Variants in MIA3 observed in about 807,000 individuals in gnomAD.
MIA3 encodes MIA SH3 domain ER export factor 3, also known as transport and Golgi organization protein 1 homolog.
In MIA3, 90 loss-of-function variants were observed where a neutral mutation model predicts 192.4. The observed-to-expected ratio is 0.47, with a 90% CI of 0.39 to 0.56. The LOEUF is 0.56. MIA3 is among the 20% of genes least tolerant of loss of function. MIA3 has a pLI of 0.00. For synonymous variants in MIA3, 740 were observed against 792.8 expected (o/e 0.93, Z 1.12); for missense variants, 2,123 against 2,269.4 (o/e 0.94, Z 1.31).
rs1662217047 is a variant in MIA3 at position 222,628,322 on chromosome 1, G to C, written c.1102G>C (p.Val368Leu). ...TGAAGAGGACAAGGTTCAGCTAACT[G>C]TGCCCCCTGGCATCAAAAATGATGA... ...SNEEDKVQLT[V>L]PPGIKNDDKN... The change falls in exon 4 of 28, where the codon GTG (valine) becomes CTG (leucine). Residue 368 changes from valine (V) to leucine (L), a missense_variant. Around this residue, in one of 3 missense-constraint regions of MIA3, gnomAD observed 1,357 missense variants for 1,396.1 expected, o/e 0.97. Transcript: ENST00000344922. The C allele has an allele frequency of 5.0e-6, 8 of 1,613,564 alleles. No individual in the cohort carries two copies. Among genetic ancestry groups the C allele is most frequent in the Non-Finnish European group, 6.8e-6 (8 of 1,179,922 alleles).
In MIA3 at chr1:222,630,083, A is replaced by G; in HGVS notation, c.2863A>G (p.Met955Val). The G allele has an allele frequency of 6.2e-7, 1 of 1,614,194 alleles. No homozygotes were observed. Among genetic ancestry groups the G allele is most frequent in the South Asian group, 1.1e-5 (1 of 91,086 alleles). The change falls in exon 4 of 28, where the codon ATG (methionine) becomes GTG (valine). Residue 955 changes from methionine (M) to valine (V), a missense_variant. Met to Val is a conservative substitution (Grantham distance 21). Around this residue, in one of 3 missense-constraint regions of MIA3, gnomAD observed 1,357 missense variants for 1,396.1 expected, o/e 0.97. Transcript: ENST00000344922. ...VHELEALLQE[M>V]SSKLKSAQQE... ...TGAGCTGGAAGCCTTGCTACAAGAA[A>G]TGTCATCAAAACTGAAGTCAGCGCA...
In MIA3 at chr1:222,644,259, C is replaced by G. The variant is rs1244960330; in HGVS notation, c.3478-1295C>G. 3.7e-6 allele frequency: 5 copies of G among 1,369,314 alleles called. No individual in the cohort carries two copies. The African/African-American group carries it at 4.4e-5, about 12-fold the overall frequency. 84.8% of individuals were successfully genotyped at this position (1,369,314 alleles called of 1,614,324 possible). On this transcript the variant is annotated intron_variant, in intron 6 of 27. Coordinates refer to ENST00000344922, the MANE Select transcript of MIA3 (RefSeq NM_198551.4). Reference sequence around the variant, plus strand: ...CCGCTCTGGCCCCGCCCTCGCCGGCCGGCTCCTTTGGTGCCTTGAGGTGCG... The same window carrying G: ...CCGCTCTGGCCCCGCCCTCGCCGGCGGGCTCCTTTGGTGCCTTGAGGTGCG...
At chr1:222,642,650 T>C (rs1662915636) in intron 6 of MIA3, among the ~76,000 whole-genome samples, 2 of 152,196 alleles carry the variant, frequency 1.3e-5, no homozygotes, top group South Asian at 4.1e-4. Context: ...AGGGGTTGTA[T>C]GATTTTATAT....
At chr1:222,657,590 C>T (rs1401386312) in intron 18 of MIA3, among the ~76,000 whole-genome samples, 1 of 152,208 alleles carries the variant, frequency 6.6e-6, no homozygotes, top group East Asian at 1.9e-4. Context: ...CAGACTAACT[C>T]ATCCATTATT....
intron 26 of MIA3, chr1:222,662,946 T>TA (rs1237677150): frequency 1.9e-5 from 3 of 155,014 alleles, no homozygotes; most frequent in Non-Finnish European, 4.3e-5. Flanking sequence ...AGTCTATAAT[T>TA]ACCCGTTGAG....
Position 222,650,400 on chromosome 1 carries a change from T to C in MIA3, c.3720+20T>C. ...CAGAAGGTATGATTATTCTTTGTTT[T>C]TTTTTTTTTTCATGGTCCCAGCTTG... On this transcript the variant is annotated intron_variant, in intron 9 of 27. Coordinates refer to ENST00000344922, the MANE Select transcript of MIA3 (RefSeq NM_198551.4). 2 of 1,314,610 alleles carry C rather than the reference T, an allele frequency of 1.5e-6. No homozygotes were observed. The highest frequency in any genetic ancestry group is 2.1e-5 in the Admixed American group (1 of 48,648). 81.4% of individuals were successfully genotyped at this position (1,314,610 alleles called of 1,614,324 possible). A position where few individuals can be genotyped will look rare whatever the true frequency, so the allele number is the denominator to read the frequency against.
At position 222,665,321 on chromosome 1, in the gene MIA3, G is replaced by C; in HGVS notation, c.5426G>C (p.Arg1809Pro). The change falls in exon 28 of 28, where the codon CGT (arginine) becomes CCT (proline). Residue 1809 changes from arginine (R) to proline (P), a missense_variant. Coordinates refer to ENST00000344922, the MANE Select transcript of MIA3 (RefSeq NM_198551.4). ...PLPPPFGPGM[R>P]PPLGLREFAP... ...TTTTGTTTTCCAGGCCCTGGTATGC[G>C]TCCACCACTAGGCTTAAGAGAATTT... 1 of 1,608,872 alleles carries C rather than the reference G, an allele frequency of 6.2e-7. No individual in the cohort carries two copies. Among genetic ancestry groups the C allele is most frequent in the Non-Finnish European group, 8.5e-7 (1 of 1,177,876 alleles).
At chr1:222,619,107 C>T (rs1426878298) in intron 1 of MIA3, among the ~76,000 whole-genome samples, 1 of 152,054 alleles carries the variant, frequency 6.6e-6, no homozygotes, top group Non-Finnish European at 1.5e-5. Context: ...TGGAGGTGGG[C>T]GGTGGAGAGG....
rs1250658617 is a variant in MIA3, at chr1:222,654,392, C to G, written c.4381C>G (p.Gln1461Glu). Residue 1461 changes from glutamine to glutamate, a missense_variant, in exon 17 of 28, where the codon CAG becomes GAG. Physicochemically the swap from Gln to Glu is conservative, Grantham distance 29. Transcript: ENST00000344922. ...IKQMMDVSRT[Q>E]TAISVVEEDL... is the part of the protein sequence containing the mutation. ...TTGTCTCTTCTGCAATTTTTAGACA[C>G]AGACTGCAATATCGGTAGTTGAAGA... The G allele has an allele frequency of 3.7e-6, 6 of 1,613,582 alleles. No homozygotes were observed. The South Asian group carries it at 6.6e-5, about 18-fold the overall frequency.
intron 22 of MIA3, 31 bp from the exon 23 acceptor site, chr1:222,659,875 C>G (rs771394806): frequency 2.5e-6 from 4 of 1,596,280 alleles, no homozygotes; most frequent in Non-Finnish European, 3.4e-6. Flanking sequence ...ATATTTAACT[C>G]TTTCTTAAAT....
chr1:222,621,467 A>G (rs1661855013), intron 2 of MIA3, among the ~76,000 whole-genome samples, 175 bp downstream of exon 2: 1 of 152,180 alleles, frequency 6.6e-6, no homozygotes, highest in Non-Finnish European at 1.5e-5. Context: ...TGCACAGAGT[A>G]GGGGCTCAGC....
intron 11 of MIA3, 149 bp from the exon 12 acceptor site, chr1:222,651,828 C>T (rs553168461): frequency 2.6e-5 from 17 of 645,858 alleles, no homozygotes; most frequent in Middle Eastern, 4.1e-4. Context: ...TGATTTTTCC[C>T]GAGGGCAAAA....
At chr1:222,634,076 A>T (rs1330960979) in intron 6 of MIA3, among the ~76,000 whole-genome samples, 2 of 152,162 alleles carry the variant, frequency 1.3e-5, no homozygotes, top group African/African-American at 4.8e-5. Flanking sequence ...TCCTGAGCCC[A>T]TGGGAGCTGC....
chr1:222,640,214 A>G (rs982363886), intron 6 of MIA3, among the ~76,000 whole-genome samples: 2 of 152,124 alleles, frequency 1.3e-5, no homozygotes, highest in East Asian at 3.9e-4. Flanking sequence ...GGAGAGATAG[A>G]CCTTGTTTAT....
At chr1:222,640,828 C>T (rs189570568) in intron 6 of MIA3, among the ~76,000 whole-genome samples, 1 of 152,264 alleles carries the variant, frequency 6.6e-6, no homozygotes, top group Admixed American at 6.5e-5. Context: ...GAAAGAGTCA[C>T]TGCAAAGCAT....
chr1:222,655,962 CCTTTTTTTTTTTTT>C (rs1280279490), intron 18 of MIA3, among the ~76,000 whole-genome samples: 2 of 71,278 alleles, frequency 2.8e-5, no homozygotes, highest in Admixed American at 2.4e-4. Flanking sequence ...ACTTTCTTTC[CCTTTTTTTTTTTTT>C]TTTTTTTTTT....
At position 222,659,624 on chromosome 1, in the gene MIA3, C is replaced by G. The variant is rs185099170; in HGVS notation, c.4773C>G (p.Ile1591Met). The G allele has an allele frequency of 6.2e-7, 1 of 1,613,722 alleles. No homozygotes were observed. The highest frequency in any genetic ancestry group is 2.2e-5 in the East Asian group (1 of 44,868). Residue 1591 changes from isoleucine (I) to methionine (M), a missense_variant and splice_region_variant, in exon 21 of 28, where the codon ATC (isoleucine) becomes ATG (methionine). Ile to Met is a conservative substitution (Grantham distance 10). This residue lies in a region of MIA3 where 762 missense variants were observed against 856.4 expected (regional missense o/e 0.89). Coordinates refer to ENST00000344922, the MANE Select transcript of MIA3 (RefSeq NM_198551.4). ...QKTERSFKNQ[I>M]ATHEKKAHEN... is the part of the protein sequence containing the mutation. ...TTGTGATGTATTATCTTTTTCAGAT[C>G]GCTACCCATGAGAAGAAAGCTCATG...
At position 222,662,086 on chromosome 1, in the gene MIA3, G is replaced by A. The variant is rs776966377; in HGVS notation, c.5144G>A (p.Arg1715Gln). 66 of 1,613,930 alleles carry A rather than the reference G, an allele frequency of 4.1e-5. No individual in the cohort carries two copies. Among genetic ancestry groups the A allele is most frequent in the Non-Finnish European group, 5.2e-5 (61 of 1,179,958 alleles). Residue 1715 changes from arginine (R) to glutamine (Q), a missense_variant, in exon 25 of 28, where the codon CGA (arginine) becomes CAA (glutamine). By Grantham distance (43) the Arg-to-Gln change is conservative. Coordinates refer to ENST00000344922, the MANE Select transcript of MIA3 (RefSeq NM_198551.4). ...GTGGACGGGCCTCTACCTCATCCTC[G>A]ATGGTCAGCTGAGGCATCTGGGAAA... ...GSVDGPLPHP[R>Q]WSAEASGKPS...
chr1:222,660,386 C>G, intron 24 of MIA3, 72 bp downstream of exon 24: 2 of 1,475,798 alleles, frequency 1.4e-6, no homozygotes, highest in Non-Finnish European at 1.8e-6. Flanking sequence ...AATTCTAATG[C>G]AAACACTTTA....
Sources: allele counts gnomAD v4.1 joint callset (sites outside exome capture counted in the v4.1 genomes callset), GRCh38; gene constraint gnomAD v4.1.1; regional missense constraint gnomAD v4.1.1; transcripts MANE v1.5; gene names NCBI Gene and HGNC (gene_info 2026-07-23, HGNC 2026-07-21).